PTPRZ1: variants seen among roughly 807,000 people sequenced by gnomAD.
PTPRZ1 encodes receptor-type tyrosine-protein phosphatase zeta.
Under a neutral mutation model 214.1 loss-of-function variants are expected in PTPRZ1, and 82 were observed. That is an observed-to-expected ratio of 0.38 (90% CI 0.32 to 0.46). The LOEUF (loss-of-function observed/expected upper bound fraction) is 0.46. Ranked by LOEUF, PTPRZ1 falls within the 20% of genes least tolerant of loss-of-function variation. The pLI is 1.00. For missense variants in PTPRZ1, 2,603 were observed against 2,748.7 expected (o/e 0.95, Z 1.19); for synonymous variants, 945 against 987.9 (o/e 0.96, Z 0.81).
chr7:122,013,525 C>T lies in PTPRZ1; in HGVS notation c.4479C>T (p.Asp1493=), dbSNP rs1798747450. 6.2e-7 allele frequency: 1 copy of T among 1,614,012 alleles called. No homozygotes were observed. The highest frequency in any genetic ancestry group is 1.7e-5 in the Admixed American group (1 of 60,008). The change falls in exon 12 of 30, where the codon GAC becomes GAT. Residue 1493 remains aspartate, a synonymous_variant. Coordinates refer to ENST00000393386, the MANE Select transcript of PTPRZ1 (RefSeq NM_002851.3). ...ATAGAGTCACAAGTGTATCCTCAGA[C>T]AGTCAAACTGGTATGGACAGAAGTC... is the stretch of plus-strand genomic sequence containing the variant. ...EDNRVTSVSS[D]SQTGMDRSPG...
intron 23 of PTPRZ1, among the ~76,000 whole-genome samples, chr7:122,050,642 T>C (rs1044136670): frequency 2.0e-5 from 3 of 152,074 alleles, no homozygotes; most frequent in Non-Finnish European, 4.4e-5. Flanking sequence ...TCCAACTTTT[T>C]ACACACTATA....
At chr7:122,034,024 T>C in intron 15 of PTPRZ1, 71 bp from the exon 16 acceptor site, 1 of 1,399,682 alleles carries the variant, frequency 7.1e-7, no homozygotes, top group South Asian at 1.3e-5. Context: ...ATATGAACGC[T>C]TTTTTTTCTC....
At chr7:122,014,910 C>A (rs533428200) in intron 12 of PTPRZ1, among the ~76,000 whole-genome samples, 1 of 152,104 alleles carries the variant, frequency 6.6e-6, no homozygotes, top group East Asian at 1.9e-4. Context: ...CTGTTACACA[C>A]TTTTTTAAGT....
intron 2 of PTPRZ1, among the ~76,000 whole-genome samples, chr7:121,936,602 G>T (rs186771976): frequency 2.6e-5 from 4 of 152,140 alleles, no homozygotes; most frequent in Middle Eastern, 6.8e-3. Flanking sequence ...CAAAAGTTAC[G>T]TTAAAGTAGA....
intron 27 of PTPRZ1, among the ~76,000 whole-genome samples, chr7:122,058,489 C>T (rs1003868967): frequency 3.3e-5 from 5 of 151,944 alleles, no homozygotes; most frequent in South Asian, 2.1e-4. Context: ...TGAATTTAGC[C>T]GTGCAAATAC....
intron 13 of PTPRZ1, among the ~76,000 whole-genome samples, chr7:122,020,125 T>G (rs1798972011): frequency 6.6e-6 from 1 of 152,200 alleles, no homozygotes; most frequent in Non-Finnish European, 1.5e-5. Flanking sequence ...TCTGTAACTT[T>G]GTATCAGCAC....
intron 2 of PTPRZ1, among the ~76,000 whole-genome samples, chr7:121,933,444 A>G (rs1795983674): frequency 6.6e-6 from 1 of 152,138 alleles, no homozygotes; most frequent in Non-Finnish European, 1.5e-5. Flanking sequence ...TTATATTGAT[A>G]TGTTCTCAGG....
chr7:121,984,865 C>T (rs1797719394), intron 8 of PTPRZ1, among the ~76,000 whole-genome samples: 1 of 152,046 alleles, frequency 6.6e-6, no homozygotes, highest in Non-Finnish European at 1.5e-5. Flanking sequence ...CTGACTTGTC[C>T]TTTTCAGTTT....
intron 8 of PTPRZ1, among the ~76,000 whole-genome samples, chr7:121,988,652 G>T (rs1797843739): frequency 6.6e-6 from 1 of 152,126 alleles, no homozygotes; most frequent in South Asian, 2.1e-4. Context: ...AAAGTACCTG[G>T]CAGGTAGTAA....
intron 1 of PTPRZ1, among the ~76,000 whole-genome samples, chr7:121,892,652 A>T (rs1290233176): frequency 7.0e-6 from 1 of 143,136 alleles, no homozygotes; most frequent in African/African-American, 2.5e-5. Context: ...ATTCTGCCTG[A>T]TATATCTTAG....
chr7:121,947,257 T>TAA (rs10706102), intron 2 of PTPRZ1, among the ~76,000 whole-genome samples: 2 of 145,028 alleles, frequency 1.4e-5, no homozygotes, highest in East Asian at 2.0e-4. Flanking sequence ...TTTAAAATTA[T>TAA]AAAAAAAAAA....
chr7:121,994,942 TCTAA>T (rs1562850939), intron 8 of PTPRZ1, among the ~76,000 whole-genome samples: 1 of 152,168 alleles, frequency 6.6e-6, no homozygotes, highest in Non-Finnish European at 1.5e-5. Flanking sequence ...AAAAATAATT[TCTAA>T]CTGATATAAA....
At chr7:122,019,309 C>T (rs1387819913) in intron 13 of PTPRZ1, 41 bp downstream of exon 13, 1 of 1,564,938 alleles carries the variant, frequency 6.4e-7, no homozygotes, top group African/African-American at 1.4e-5. Flanking sequence ...ATTCATAAAA[C>T]TCAGATTTTG....
chr7:122,053,000 G>T (rs1185686673), intron 25 of PTPRZ1, among the ~76,000 whole-genome samples: 3 of 152,100 alleles, frequency 2.0e-5, no homozygotes, highest in East Asian at 3.9e-4. Flanking sequence ...ACCAATAAGG[G>T]ATTCACCTGC....
At chr7:122,019,510 C>A (rs1798952599) in intron 13 of PTPRZ1, among the ~76,000 whole-genome samples, 1 of 152,148 alleles carries the variant, frequency 6.6e-6, no homozygotes, top group Non-Finnish European at 1.5e-5. Context: ...AGTATTTTGA[C>A]AGTTGTACTT....
At chr7:122,025,321 T>G (rs1018987026) in intron 13 of PTPRZ1, among the ~76,000 whole-genome samples, 1 of 150,092 alleles carries the variant, frequency 6.7e-6, no homozygotes, top group Non-Finnish European at 1.5e-5. Context: ...CAGTCTTTTC[T>G]TTTTTTTTCT....
At chr7:121,896,440 A>G (rs535782630) in intron 1 of PTPRZ1, among the ~76,000 whole-genome samples, 4 of 152,322 alleles carry the variant, frequency 2.6e-5, no homozygotes, top group Admixed American at 2.6e-4. Context: ...GATGGAAACA[A>G]CCTAAATGTC....
At chr7:121,981,603 A>G (rs1188502180) in intron 6 of PTPRZ1, among the ~76,000 whole-genome samples, 2 of 152,228 alleles carry the variant, frequency 1.3e-5, no homozygotes, top group Admixed American at 1.3e-4. Context: ...GCTATTGGTA[A>G]GTGCTATTGG....
intron 1 of PTPRZ1, among the ~76,000 whole-genome samples, chr7:121,922,105 T>C (rs929111183): frequency 2.6e-5 from 4 of 152,200 alleles, no homozygotes; most frequent in Non-Finnish European, 5.9e-5. Flanking sequence ...TTAATTTTAC[T>C]TGGAAAGTTT....
Sources: gnomAD v4.1 joint callset for allele counts (sites outside exome capture counted in the v4.1 genomes callset) on GRCh38, gnomAD v4.1.1 for gene constraint, MANE v1.5 for transcripts, NCBI Gene and HGNC (gene_info 2026-07-23, HGNC 2026-07-21) for gene names.